Variants in FMNL2 observed in about 807,000 individuals in gnomAD.
FMNL2 encodes the protein formin like 2.
Under a neutral mutation model 130.2 loss-of-function variants are expected in FMNL2, and 51 were observed. The observed-to-expected ratio is 0.39, with a 90% CI of 0.31 to 0.49. The LOEUF is 0.49. FMNL2 is among the 20% of genes least tolerant of loss of function. FMNL2 has a pLI of 0.85. For missense variants in FMNL2, 977 were observed against 1,316.2 expected (o/e 0.74, Z 3.99); for synonymous variants, 465 against 467.1 (o/e 1.00, Z 0.06).
intron 1 of FMNL2, among the ~76,000 whole-genome samples, chr2:152,401,407 C>T (rs1050993209): frequency 6.6e-6 from 1 of 152,210 alleles, no homozygotes; most frequent in African/African-American, 2.4e-5. Flanking sequence ...TTTCTGCATA[C>T]CTGGCACACT....
chr2:152,373,739 T>C (rs910223779), intron 1 of FMNL2, among the ~76,000 whole-genome samples: 5 of 152,206 alleles, frequency 3.3e-5, no homozygotes, highest in African/African-American at 1.2e-4. Flanking sequence ...CTGAATATTT[T>C]GTATCCCTGC....
chr2:152,620,818 C>A, intron 15 of FMNL2: 1 of 614,040 alleles, frequency 1.6e-6, no homozygotes, highest in Non-Finnish European at 2.0e-6. Context: ...ATTCACTCCA[C>A]ATCAAATCCA....
chr2:152,498,227 T>C (rs1371858344), intron 1 of FMNL2, among the ~76,000 whole-genome samples: 1 of 152,140 alleles, frequency 6.6e-6, no homozygotes, highest in African/African-American at 2.4e-5. Context: ...TATCTTAAAA[T>C]TCACCTTTTA....
At chr2:152,352,872 A>G (rs986630638) in intron 1 of FMNL2, among the ~76,000 whole-genome samples, 4 of 152,016 alleles carry the variant, frequency 2.6e-5, no homozygotes, top group Admixed American at 2.6e-4. Flanking sequence ...CTCAGCCCTC[A>G]GTGATAACCC....
At chr2:152,631,978 T>G in intron 20 of FMNL2, 30 bp from the exon 21 acceptor site, 1 of 1,603,042 alleles carries the variant, frequency 6.2e-7, no homozygotes, top group African/African-American at 1.3e-5. Context: ...TTTACTCTTG[T>G]ACCTAACCCA....
At chr2:152,578,636 C>A (rs914454264) in intron 7 of FMNL2, 1 of 229,104 alleles carries the variant, frequency 4.4e-6, no homozygotes, top group Non-Finnish European at 8.2e-6. Flanking sequence ...GTCCTGGACT[C>A]AAGCTGTACC....
At chr2:152,387,823 T>A (rs1243542442) in intron 1 of FMNL2, among the ~76,000 whole-genome samples, 8 of 92,908 alleles carry the variant, frequency 8.6e-5, no homozygotes, top group African/African-American at 1.6e-4. Context: ...AAAAAAAATT[T>A]TTTTTTTTTT....
At chr2:152,535,777 A>G (rs1306366809) in intron 2 of FMNL2, among the ~76,000 whole-genome samples, 1 of 152,210 alleles carries the variant, frequency 6.6e-6, no homozygotes, top group African/African-American at 2.4e-5. Context: ...TATACAAATT[A>G]GAATCTCATC....
At chr2:152,523,383 A>G (rs1191144558) in intron 2 of FMNL2, among the ~76,000 whole-genome samples, 1 of 152,166 alleles carries the variant, frequency 6.6e-6, no homozygotes, top group Non-Finnish European at 1.5e-5. Context: ...ACTACACAGT[A>G]CTTCAATGAC....
At chr2:152,364,261 G>GTTTTTTTTTTT (rs869062341) in intron 1 of FMNL2, among the ~76,000 whole-genome samples, 2 of 24,472 alleles carry the variant, frequency 8.2e-5, no homozygotes, top group African/African-American at 2.5e-4. Context: ...AGGTTTGTGT[G>GTTTTTTTTTTT]TTTTTTTTTT....
At chr2:152,640,690 G>A (rs1340501592) in intron 24 of FMNL2, 101 bp from the exon 25 acceptor site, 7 of 1,428,760 alleles carry the variant, frequency 4.9e-6, no homozygotes, top group Non-Finnish European at 6.5e-6. Flanking sequence ...GTTTTTGGCC[G>A]AAGCTGCTTA....
chr2:152,539,351 A>G, intron 2 of FMNL2: 1 of 162,648 alleles, frequency 6.1e-6, no homozygotes, highest in South Asian at 1.6e-4. Flanking sequence ...GGGTGGGTGG[A>G]ATCAAGAGTG....
chr2:152,421,658 A>G (rs1448411005), intron 1 of FMNL2, among the ~76,000 whole-genome samples: 1 of 152,184 alleles, frequency 6.6e-6, no homozygotes, highest in African/African-American at 2.4e-5. Context: ...GAAATGTGAG[A>G]TGATTCAATT....
At chr2:152,449,603 G>A (rs993120272) in intron 1 of FMNL2, among the ~76,000 whole-genome samples, 21 of 152,230 alleles carry the variant, frequency 1.4e-4, no homozygotes, top group African/African-American at 4.8e-4. Context: ...CTTTAGGTCC[G>A]TATCATTTGA....
intron 1 of FMNL2, among the ~76,000 whole-genome samples, chr2:152,475,684 A>C (rs542858124): frequency 1.1e-4 from 17 of 152,036 alleles, no homozygotes; most frequent in Non-Finnish European, 2.1e-4. Context: ...AATTTAGTAG[A>C]GATGGGGTTT....
intron 9 of FMNL2, among the ~76,000 whole-genome samples, chr2:152,604,105 AT>A (rs1168037150): frequency 6.0e-5 from 9 of 151,018 alleles, no homozygotes; most frequent in Non-Finnish European, 7.4e-5. Context: ...GCATGGTATA[AT>A]GACTATGTCT....
intron 9 of FMNL2, among the ~76,000 whole-genome samples, chr2:152,599,196 A>G (rs1270966998): frequency 1.3e-5 from 2 of 152,208 alleles, no homozygotes; most frequent in African/African-American, 4.8e-5. Context: ...GCTCTTGGAC[A>G]TCACTTCACC....
chr2:152,559,335 C>T (rs1695400123), intron 5 of FMNL2, among the ~76,000 whole-genome samples: 1 of 152,080 alleles, frequency 6.6e-6, no homozygotes, highest in Admixed American at 6.6e-5. Flanking sequence ...GATTTTCTGC[C>T]CATAAGCTGA....
intron 1 of FMNL2, among the ~76,000 whole-genome samples, chr2:152,457,242 A>G (rs1457424555): frequency 3.9e-5 from 6 of 152,198 alleles, no homozygotes; most frequent in Non-Finnish European, 1.5e-5. Flanking sequence ...TTGAATGTCT[A>G]CTATGGTAGG....
Sources: allele counts gnomAD v4.1 joint callset (sites outside exome capture counted in the v4.1 genomes callset), GRCh38; gene constraint gnomAD v4.1.1; transcripts MANE v1.5; gene names NCBI Gene and HGNC (gene_info 2026-07-23, HGNC 2026-07-21).